The following CNTNAP1 variants were observed in gnomAD, a reference collection of about 807,000 sequenced individuals.
CNTNAP1 encodes the protein contactin associated protein 1.
A neutral mutation model predicts 161.5 loss-of-function variants in CNTNAP1; 80 were observed. That is an observed-to-expected ratio of 0.50 (90% CI 0.41 to 0.60). The LOEUF (loss-of-function observed/expected upper bound fraction) is 0.60. Among genes scored for constraint, CNTNAP1 ranks in the 20% least tolerant of loss-of-function variants. CNTNAP1 has a pLI of 0.00. For missense variants in CNTNAP1, 1,464 were observed against 1,854.8 expected, an observed-to-expected ratio of 0.79 and a Z score of 3.87; for synonymous variants, 695 against 733.1, an observed-to-expected ratio of 0.95 and a Z score of 0.84.
In CNTNAP1 at chr17:42,686,055, G is replaced by A. The variant is rs773250909; in HGVS notation, c.814G>A (p.Gly272Ser). ...HWHYVRVDRF[G>S]RDVNFTLDGY... ...GCACTATGTGCGGGTGGACCGATTT[G>A]GCCGCGATGTAAATTTCACCCTGGA... The change falls in exon 6 of 24, where the codon GGC becomes AGC. Residue 272 changes from glycine (G) to serine (S), a missense_variant. Physicochemically the swap from Gly to Ser is moderately conservative, Grantham distance 56. This residue lies in a region of CNTNAP1 where 1,383 missense variants were observed against 1,765.0 expected (regional missense o/e 0.78). Transcript: ENST00000264638. 1 of 1,614,150 alleles carries A rather than the reference G, an allele frequency of 6.2e-7. No homozygotes were observed. The highest frequency in any genetic ancestry group is 1.1e-5 in the South Asian group (1 of 91,076).
Position 42,688,929 on chromosome 17 carries a change from C to T in CNTNAP1, c.1510C>T (p.His504Tyr). Residue 504 changes from histidine (H) to tyrosine (Y), a missense_variant, in exon 10 of 24, where the codon CAT becomes TAT. Around this residue, in one of 3 missense-constraint regions of CNTNAP1, gnomAD observed 1,383 missense variants for 1,765.0 expected, o/e 0.78. Coordinates refer to ENST00000264638, the MANE Select transcript of CNTNAP1 (RefSeq NM_003632.3). ...WDCHSNQTAFHGCMELLKVDG... is the reference protein window; with the variant it reads ...WDCHSNQTAFYGCMELLKVDG... ...CTGCCACTCCAACCAGACGGCATTC[C>T]ATGGCTGCATGGAGCTGCTCAAGGT... 6.2e-7 allele frequency: 1 copy of T among 1,614,142 alleles called. No individual in the cohort carries two copies. The highest frequency in any genetic ancestry group is 8.5e-7 in the Non-Finnish European group (1 of 1,180,012).
At chr17:42,694,144 C>A (rs967603360) in intron 18 of CNTNAP1, among the ~76,000 whole-genome samples, 3 of 151,774 alleles carry the variant, frequency 2.0e-5, no homozygotes, top group Admixed American at 2.0e-4. Flanking sequence ...CAGGCGTGAG[C>A]CACCGCGTCT....
rs2053038803 is a variant in CNTNAP1 at position 42,687,938 on chromosome 17, G to T, written c.1263G>T (p.Val421=). The T allele has an allele frequency of 6.2e-7, 1 of 1,614,068 alleles. No individual in the cohort carries two copies. The highest frequency in any genetic ancestry group is 8.5e-7 in the Non-Finnish European group (1 of 1,180,046). ...CGCTCAGCGAAGGGCAGGTCAACGTGTCCATCGCGCAGAGCGGCCGAAAGA... is the reference window on the plus strand; with the variant it reads ...CGCTCAGCGAAGGGCAGGTCAACGTTTCCATCGCGCAGAGCGGCCGAAAGA... ...ELTLSEGQVN[V]SIAQSGRKKL... The change falls in exon 8 of 24, where the codon GTG becomes GTT. Residue 421 remains valine, a synonymous_variant. Coordinates refer to ENST00000264638, the MANE Select transcript of CNTNAP1 (RefSeq NM_003632.3). This position sits in a 1 kb window ranked among gnomAD's most constrained non-coding sequence, Gnocchi z 4.7.
At chr17:42,692,118 A>G in intron 16 of CNTNAP1, 127 bp downstream of exon 16, 2 of 1,007,530 alleles carry the variant, frequency 2.0e-6, no homozygotes, top group East Asian at 2.4e-5. Context: ...GGGTTGAGAT[A>G]CCCTATGTTC....
chr17:42,685,992 A>C lies in CNTNAP1; in HGVS notation c.751A>C (p.Thr251Pro). ...SPIQPRPGHT[T>P]VSAGGVLNDQ... ...TATCCAGCCAAGACCAGGTCACACC[A>C]CCGTGAGCGCAGGCGGAGTCCTCAA... The change falls in exon 6 of 24, where the codon ACC (threonine) becomes CCC (proline). Residue 251 changes from threonine to proline, a missense_variant. Physicochemically the swap from Thr to Pro is conservative, Grantham distance 38. Around this residue, in one of 3 missense-constraint regions of CNTNAP1, gnomAD observed 1,383 missense variants for 1,765.0 expected, o/e 0.78. Coordinates refer to ENST00000264638, the MANE Select transcript of CNTNAP1 (RefSeq NM_003632.3). This position sits in a 1 kb window ranked among gnomAD's most constrained non-coding sequence, Gnocchi z 5.0. 1.2e-6 allele frequency: 2 copies of C among 1,614,130 alleles called. No individual in the cohort carries two copies. Among genetic ancestry groups the C allele is most frequent in the Non-Finnish European group, 1.7e-6 (2 of 1,180,026 alleles).
At chr17:42,692,119 C>T (rs2053095000) in intron 16 of CNTNAP1, 128 bp downstream of exon 16, 1 of 995,424 alleles carries the variant, frequency 1.0e-6, no homozygotes. Flanking sequence ...GGTTGAGATA[C>T]CCTATGTTCT....
chr17:42,693,049 T>C (rs1163511573), intron 17 of CNTNAP1, among the ~76,000 whole-genome samples: 1 of 151,338 alleles, frequency 6.6e-6, no homozygotes, highest in South Asian at 2.1e-4. Context: ...CTCCGCCTCC[T>C]GGGTTCAAGC....
At chr17:42,686,469 G>GT (rs748366958) in intron 6 of CNTNAP1, among the ~76,000 whole-genome samples, 3,584 of 71,148 alleles carry the variant, frequency 0.05, 119 homozygotes, top group Middle Eastern at 0.092. Context: ...AAAAAGGCCT[G>GT]TTTTTTTTTT....
intron 8 of CNTNAP1, 146 bp downstream of exon 8, chr17:42,688,127 A>G (rs577024241): frequency 8.1e-7 from 1 of 1,242,116 alleles, no homozygotes; most frequent in East Asian, 2.4e-5. Flanking sequence ...GTACTGGGAA[A>G]AGGTGGGAGT....
Position 42,686,004 on chromosome 17 carries a change from G to A in CNTNAP1, c.763G>A (p.Gly255Ser), listed in dbSNP as rs1177927699. 1.9e-6 allele frequency: 3 copies of A among 1,614,078 alleles called. No homozygotes were observed. Among genetic ancestry groups the A allele is most frequent in the African/African-American group, 1.3e-5 (1 of 74,922 alleles). ...ACCAGGTCACACCACCGTGAGCGCA[G>A]GCGGAGTCCTCAATGACCAGCACTG... ...PRPGHTTVSA[G>S]GVLNDQHWHY... The change falls in exon 6 of 24, where the codon GGC becomes AGC. Residue 255 changes from glycine to serine, a missense_variant. By Grantham distance (56) the Gly-to-Ser change is moderately conservative. Around this residue, in one of 3 missense-constraint regions of CNTNAP1, gnomAD observed 1,383 missense variants for 1,765.0 expected, o/e 0.78. Coordinates refer to ENST00000264638, the MANE Select transcript of CNTNAP1 (RefSeq NM_003632.3).
In CNTNAP1 at chr17:42,687,163, G is replaced by T. The variant is rs564864327; in HGVS notation, c.1044+117G>T. ...AAAGCGGAGAATCCCTCTGTCCCCA[G>T]CCAGATGCTCAAGTTGGGAGGGGAG... On this transcript the variant is annotated intron_variant, in intron 7 of 23. Coordinates refer to ENST00000264638, the MANE Select transcript of CNTNAP1 (RefSeq NM_003632.3). This position sits in a 1 kb window ranked among gnomAD's most constrained non-coding sequence, Gnocchi z 4.7. 250 of 1,411,942 alleles carry T rather than the reference G, an allele frequency of 1.8e-4. No individual in the cohort carries two copies. The highest frequency in any genetic ancestry group is 2.3e-4 in the Non-Finnish European group (236 of 1,045,874). The allele number at this position is 1,411,942 out of a possible 1,614,324, so 87.5% of individuals were successfully genotyped here. A position where few individuals can be genotyped will look rare whatever the true frequency, so the allele number is the denominator to read the frequency against.
At chr17:42,684,433 T>G (rs2052979007) in intron 3 of CNTNAP1, among the ~76,000 whole-genome samples, 1 of 152,202 alleles carries the variant, frequency 6.6e-6, no homozygotes, top group Non-Finnish European at 1.5e-5. Flanking sequence ...TAACACACTT[T>G]AGGGTAAAAC....
In CNTNAP1 at chr17:42,689,610, G is replaced by A. The variant is rs1422663613; in HGVS notation, c.1718G>A (p.Gly573Glu). 1 of 1,613,812 alleles carries A rather than the reference G, an allele frequency of 6.2e-7. No individual in the cohort carries two copies. Among genetic ancestry groups the A allele is most frequent in the Non-Finnish European group, 8.5e-7 (1 of 1,179,874 alleles). The change falls in exon 11 of 24, where the codon GGA becomes GAA. Residue 573 changes from glycine (G) to glutamate (E), a missense_variant. Gly to Glu is a moderately conservative substitution (Grantham distance 98). Around this residue, in one of 3 missense-constraint regions of CNTNAP1, gnomAD observed 1,383 missense variants for 1,765.0 expected, o/e 0.78. Coordinates refer to ENST00000264638, the MANE Select transcript of CNTNAP1 (RefSeq NM_003632.3). ...ICYCELTGYK[G>E]ETCHTPLYKE... ...TACTGCGAACTGACGGGCTACAAGG[G>A]AGAGACCTGCCACACACGTAAGCCA...
Position 42,690,403 on chromosome 17 carries a change from T to G in CNTNAP1, c.1855+196T>G, listed in dbSNP as rs751625586. On this transcript the variant is annotated intron_variant, in intron 12 of 23. Coordinates refer to ENST00000264638, the MANE Select transcript of CNTNAP1 (RefSeq NM_003632.3). ...GGCTCACACCTGTAATCCCAGCACTTTGGGAAGCTACTCGGGAGGTTGAGG... is the reference window on the plus strand; with the variant it reads ...GGCTCACACCTGTAATCCCAGCACTGTGGGAAGCTACTCGGGAGGTTGAGG... Among the ~76,000 whole-genome samples, 7 of 151,786 alleles carry G rather than the reference T, an allele frequency of 4.6e-5. No homozygotes were observed. In the East Asian group the frequency reaches 1.3e-3, roughly 29 times the overall value.
chr17:42,684,548 G>A (rs535056527), intron 3 of CNTNAP1, among the ~76,000 whole-genome samples: 6 of 152,276 alleles, frequency 3.9e-5, no homozygotes, highest in South Asian at 2.1e-4. Flanking sequence ...AAGCCGCCAA[G>A]CAGGGAAGAC....
rs2052976239 is a variant in CNTNAP1, at chr17:42,684,220, G to A, written c.354G>A (p.Gly118=). The stretch of plus-strand genomic sequence containing the variant: ...GCTGGACACCGTTCTACCAGCGAGG[G>A]CACAACTCGGTACTCTGGGCGCCAA... The part of the protein sequence containing the change: ...VDSWTPFYQR[G]HNSTFFGNVN... Residue 118 remains glycine, a synonymous_variant, in exon 3 of 24, where the codon GGG becomes GGA. Transcript: ENST00000264638. 3.7e-6 allele frequency: 6 copies of A among 1,612,836 alleles called. No homozygotes were observed. The Admixed American group carries it at 1.0e-4, about 27-fold the overall frequency.
intron 17 of CNTNAP1, 35 bp downstream of exon 17, chr17:42,692,755 C>G: frequency 6.4e-7 from 1 of 1,558,358 alleles, no homozygotes; most frequent in Admixed American, 1.8e-5. Flanking sequence ...CTGAAGCCTC[C>G]TTTACCTCCC....
intron 1 of CNTNAP1, chr17:42,683,192 A>C: frequency 1.8e-6 from 1 of 559,712 alleles, no homozygotes; most frequent in East Asian, 3.5e-5. Flanking sequence ...CTGGGGGATA[A>C]GTGTATACTG....
intron 17 of CNTNAP1, 65 bp from the exon 18 acceptor site, chr17:42,693,232 T>C: frequency 6.3e-7 from 1 of 1,593,734 alleles, no homozygotes; most frequent in East Asian, 2.2e-5. Context: ...GTGCTGGGAT[T>C]ACAGGCGTGA....
Sources: gnomAD v4.1 joint callset for allele counts (sites outside exome capture counted in the v4.1 genomes callset) on GRCh38, gnomAD v4.1.1 for gene constraint, gnomAD v4.1.1 regional missense constraint, Gnocchi (gnomAD v3.1) non-coding constraint, MANE v1.5 for transcripts, NCBI Gene and HGNC (gene_info 2026-07-23, HGNC 2026-07-21) for gene names.